EHBP1: variants seen among roughly 807,000 people sequenced by gnomAD.
EHBP1 encodes EH domain binding protein 1.
In EHBP1, 55 loss-of-function variants were observed where a neutral mutation model predicts 144.0. The observed-to-expected ratio is 0.38, with a 90% CI of 0.31 to 0.48. The LOEUF (loss-of-function observed/expected upper bound fraction) is 0.48, where lower values mean the gene tolerates loss of function less well. Ranked by LOEUF, EHBP1 falls within the 20% of genes least tolerant of loss-of-function variation. The pLI, the probability that EHBP1 is intolerant of heterozygous loss-of-function variation, is 0.98. For missense variants in EHBP1, 1,200 were observed against 1,364.2 expected, an observed-to-expected ratio of 0.88 and a Z score of 1.90; for synonymous variants, 469 against 472.7, an observed-to-expected ratio of 0.99 and a Z score of 0.10.
At chr2:62,732,916 T>A (rs1184885291) in intron 2 of EHBP1, among the ~76,000 whole-genome samples, 1 of 152,208 alleles carries the variant, frequency 6.6e-6, no homozygotes, top group Non-Finnish European at 1.5e-5. Context: ...CTATCATCAG[T>A]CTGTTGATGA....
intron 5 of EHBP1, among the ~76,000 whole-genome samples, chr2:62,799,885 T>C (rs1178252629): frequency 1.3e-5 from 2 of 152,210 alleles, no homozygotes; most frequent in African/African-American, 4.8e-5. Context: ...GCTGCTAGAA[T>C]ACCTACCTGG....
chr2:62,730,726 A>G (rs2037442438), intron 2 of EHBP1, among the ~76,000 whole-genome samples: 1 of 146,704 alleles, frequency 6.8e-6, no homozygotes, highest in South Asian at 2.2e-4. Context: ...CACAAAGACA[A>G]GATACACAAA....
At chr2:62,716,692 G>A (rs1445984269) in intron 2 of EHBP1, among the ~76,000 whole-genome samples, 1 of 152,134 alleles carries the variant, frequency 6.6e-6, no homozygotes, top group African/African-American at 2.4e-5. Context: ...GTCTTCCATT[G>A]GTTCAGCAGC....
intron 8 of EHBP1, among the ~76,000 whole-genome samples, chr2:62,860,247 T>C (rs2049396171): frequency 6.6e-6 from 1 of 152,288 alleles, no homozygotes; most frequent in Admixed American, 6.5e-5. Context: ...CTCAGCGCTT[T>C]GGGAGGCCAG....
At chr2:62,913,602 G>GT (rs1177777290) in intron 10 of EHBP1, among the ~76,000 whole-genome samples, 1 of 152,040 alleles carries the variant, frequency 6.6e-6, no homozygotes, top group African/African-American at 2.4e-5. Flanking sequence ...ATTTGGTGAG[G>GT]TTTTTTTGGT....
chr2:63,027,812 G>A (rs951674683), intron 19 of EHBP1, among the ~76,000 whole-genome samples: 2 of 152,228 alleles, frequency 1.3e-5, no homozygotes, highest in African/African-American at 4.8e-5. Flanking sequence ...GATGGTAGGG[G>A]AGGTAGGGGT....
chr2:62,753,316 G>A (rs961805616), intron 3 of EHBP1, among the ~76,000 whole-genome samples: 1 of 152,174 alleles, frequency 6.6e-6, no homozygotes, highest in Non-Finnish European at 1.5e-5. Flanking sequence ...CTTTAAGAAT[G>A]TTGAATATTG....
chr2:62,764,680 C>G (rs1025045798), intron 4 of EHBP1, among the ~76,000 whole-genome samples: 1 of 152,012 alleles, frequency 6.6e-6, no homozygotes. Context: ...TGAGTCTTGA[C>G]CTTCATTTTG....
chr2:62,869,562 T>C (rs1037501632), intron 9 of EHBP1, among the ~76,000 whole-genome samples: 1 of 152,174 alleles, frequency 6.6e-6, no homozygotes, highest in Non-Finnish European at 1.5e-5. Context: ...TTTTAAACTC[T>C]AGAATATGCA....
At chr2:62,951,816 C>T (rs1033617324) in intron 13 of EHBP1, among the ~76,000 whole-genome samples, 24 of 152,114 alleles carry the variant, frequency 1.6e-4, no homozygotes, top group Admixed American at 4.6e-4. Flanking sequence ...TGAGCCACCG[C>T]GCCTGGCCAG....
chr2:62,949,191 A>G (rs770550721), intron 13 of EHBP1, 29 bp downstream of exon 13: 2 of 1,480,374 alleles, frequency 1.4e-6, no homozygotes, highest in Admixed American at 2.4e-5. Flanking sequence ...TGAATACTAT[A>G]TTTAGTAATT....
At position 62,915,792 on chromosome 2, in the gene EHBP1, G is replaced by T. The variant is rs141140775; in HGVS notation, c.1186-26926G>T. Among the ~76,000 whole-genome samples the T allele has an allele frequency of 2.9e-3, 434 of 152,032 alleles. 5 individuals are homozygous for T. Among genetic ancestry groups the T allele is most frequent in the African/African-American group, 9.8e-3 (406 of 41,478 alleles). ...CTAAAGCAGTATATACGATAACAAC[G>T]TACTGGTAAAAACAGTAGGTAGATA... On this transcript the variant is annotated intron_variant, in intron 10 of 22. Coordinates refer to ENST00000431489, the MANE Select transcript of EHBP1 (RefSeq NM_001142616.3).
At chr2:62,961,206 A>T (rs939076628) in intron 14 of EHBP1, among the ~76,000 whole-genome samples, 1 of 152,238 alleles carries the variant, frequency 6.6e-6, no homozygotes, top group East Asian at 1.9e-4. Context: ...TCACAAACAC[A>T]GATACCATAA....
intron 19 of EHBP1, among the ~76,000 whole-genome samples, chr2:63,008,846 C>CTAAG (rs2060154963): frequency 6.6e-6 from 1 of 151,372 alleles, no homozygotes; most frequent in Admixed American, 6.6e-5. Context: ...ATTCTGTGAT[C>CTAAG]TAAGTGTTGA....
At chr2:62,929,374 A>G (rs1432824425) in intron 10 of EHBP1, among the ~76,000 whole-genome samples, 5 of 152,208 alleles carry the variant, frequency 3.3e-5, no homozygotes, top group Non-Finnish European at 7.4e-5. Flanking sequence ...AAAGAATTAC[A>G]TACCACAACC....
At chr2:62,942,500 C>A in intron 10 of EHBP1, among the ~76,000 whole-genome samples, 1 of 152,198 alleles carries the variant, frequency 6.6e-6, no homozygotes, top group East Asian at 1.9e-4. Flanking sequence ...TAAAATCTTG[C>A]ATATCTGCAT....
chr2:62,951,542 G>T lies in EHBP1; in HGVS notation c.2316+2380G>T, dbSNP rs546765581. On this transcript the variant is annotated intron_variant, in intron 13 of 22. Coordinates refer to ENST00000431489, the MANE Select transcript of EHBP1 (RefSeq NM_001142616.3). ...TTTCTTTTTTTTTTTTTTGGGGGGG[G>T]GGGGTGGAGTCTTGCCCTGTCACCC... 7.4e-4 allele frequency among the ~76,000 whole-genome samples: 105 copies of T among 142,766 alleles called. 2 individuals are homozygous for T. Among genetic ancestry groups the T allele is most frequent in the South Asian group, 2.2e-3 (9 of 4,134 alleles). 93.7% of individuals were successfully genotyped at this position (142,766 alleles called of 152,430 possible).
intron 3 of EHBP1, among the ~76,000 whole-genome samples, chr2:62,760,780 T>TG (rs1351167095): frequency 1.3e-5 from 2 of 152,200 alleles, no homozygotes; most frequent in Non-Finnish European, 2.9e-5. Context: ...GAGTCTGGGC[T>TG]CTCCTCCTGG....
At chr2:62,881,623 T>C (rs1228540292) in intron 10 of EHBP1, 1 of 152,130 alleles carries the variant, frequency 6.6e-6, no homozygotes, top group Non-Finnish European at 1.5e-5. Context: ...AAATGTTTTG[T>C]TGGAGAATTT....
Sources: allele counts gnomAD v4.1 joint callset (sites outside exome capture counted in the v4.1 genomes callset), GRCh38; gene constraint gnomAD v4.1.1; transcripts MANE v1.5; gene names NCBI Gene and HGNC (gene_info 2026-07-23, HGNC 2026-07-21).